TACC1: variants seen among roughly 807,000 people sequenced by gnomAD.
TACC1 encodes the protein transforming acidic coiled-coil containing protein 1, also known as transforming acidic coiled-coil-containing protein 1.
A neutral mutation model predicts 84.4 loss-of-function variants in TACC1; 48 were observed. The ratio of observed to expected loss-of-function variants is 0.57; its 90% CI spans 0.45 to 0.72. The LOEUF is 0.72. TACC1 is among the 30% of genes least tolerant of loss of function. TACC1 has a pLI of 0.00. For synonymous variants in TACC1, 372 were observed against 376.3 expected (o/e 0.99, Z 0.13); for missense variants, 920 against 973.0 (o/e 0.95, Z 0.72).
At chr8:38,743,010 C>A (rs1356650547) in intron 2 of TACC1, among the ~76,000 whole-genome samples, 1 of 152,268 alleles carries the variant, frequency 6.6e-6, no homozygotes, top group South Asian at 2.1e-4. Context: ...CCACTGCACC[C>A]AGCCAACTTA....
chr8:38,813,617 A>G (rs752202970), intron 2 of TACC1, among the ~76,000 whole-genome samples: 3 of 152,208 alleles, frequency 2.0e-5, no homozygotes, highest in Non-Finnish European at 2.9e-5. Context: ...CTCCAATCAC[A>G]TGTTAGAAAA....
intron 11 of TACC1, chr8:38,846,087 T>C (rs1832178867): frequency 6.6e-6 from 1 of 151,124 alleles, no homozygotes; most frequent in African/African-American, 2.4e-5. Context: ...GGTCAGGAGA[T>C]CGAGACCACG....
intron 3 of TACC1, among the ~76,000 whole-genome samples, chr8:38,773,986 T>C (rs1188346288): frequency 6.6e-6 from 1 of 152,222 alleles, no homozygotes. Context: ...ATGCTTAACA[T>C]GGTCTTCTAG....
At chr8:38,777,882 C>G (rs1182389806) in intron 3 of TACC1, among the ~76,000 whole-genome samples, 1 of 152,166 alleles carries the variant, frequency 6.6e-6, no homozygotes, top group African/African-American at 2.4e-5. Context: ...ACAGGCCACA[C>G]CTAGTTGTAG....
chr8:38,794,707 G>A (rs573075005), intron 2 of TACC1, among the ~76,000 whole-genome samples: 1 of 152,240 alleles, frequency 6.6e-6, no homozygotes, highest in East Asian at 1.9e-4. Flanking sequence ...ACATATTGAA[G>A]TGTTCCATTC....
chr8:38,761,080 T>C (rs1811122499), intron 3 of TACC1, among the ~76,000 whole-genome samples: 1 of 152,212 alleles, frequency 6.6e-6, no homozygotes, highest in African/African-American at 2.4e-5. Context: ...TCCTCATTTT[T>C]CACTTCCATT....
intron 3 of TACC1, among the ~76,000 whole-genome samples, chr8:38,773,175 A>C (rs1428675593): frequency 6.6e-6 from 1 of 151,880 alleles, no homozygotes; most frequent in Non-Finnish European, 1.5e-5. Context: ...ATTATACAAA[A>C]ATTAGCCTGG....
In TACC1 at chr8:38,836,107, T is replaced by G; in HGVS notation, c.1714-55T>G. ...GTAATGAGGAAGTTGTTGAAGGATG[T>G]CTGGGGTTAAGAAGCTGAAAGCTGA... On this transcript the variant is annotated intron_variant, in intron 6 of 12. Coordinates refer to ENST00000317827, the MANE Select transcript of TACC1 (RefSeq NM_006283.3). The G allele has an allele frequency of 1.9e-6, 3 of 1,601,464 alleles. No individual in the cohort carries two copies. The Admixed American group carries it at 5.0e-5, about 27-fold the overall frequency.
At chr8:38,840,153 G>A in intron 8 of TACC1, 71 bp from the exon 9 acceptor site, 3 of 1,173,732 alleles carry the variant, frequency 2.6e-6, no homozygotes, top group Admixed American at 1.9e-5. Flanking sequence ...TAATTGTTTG[G>A]GACAGCATTT....
chr8:38,792,626 C>A lies in TACC1; in HGVS notation c.277+3807C>A, dbSNP rs536887086. Among the ~76,000 whole-genome samples the A allele has an allele frequency of 7.2e-5, 11 of 152,258 alleles. No individual in the cohort carries two copies. In the South Asian group the frequency reaches 2.3e-3, roughly 32 times the overall value. On this transcript the variant is annotated intron_variant, in intron 2 of 12. Coordinates refer to ENST00000317827, the MANE Select transcript of TACC1 (RefSeq NM_006283.3). ...GACCACAGGCGCCCACCACTACGCC[C>A]AGCTAATTTTTTGTATTTTTAGTAG...
At chr8:38,766,823 G>A (rs1047511055) in intron 3 of TACC1, among the ~76,000 whole-genome samples, 1 of 152,178 alleles carries the variant, frequency 6.6e-6, no homozygotes, top group Non-Finnish European at 1.5e-5. Flanking sequence ...GATGAACCTG[G>A]CTGAAGCAGA....
In TACC1 at chr8:38,735,606, C is replaced by A. The variant is rs182349650; in HGVS notation, c.-674-6745C>A. On this transcript the variant is annotated intron_variant, in intron 1 of 14. Transcript: ENST00000518415. ...CCAGGACTCCTGTCAGCAACCACCC[C>A]CTGCACTCAGCTCTCTCCCCTGACC... 2.0e-5 allele frequency among the ~76,000 whole-genome samples: 3 copies of A among 152,278 alleles called. No individual in the cohort carries two copies. In the East Asian group the frequency reaches 5.8e-4, roughly 29 times the overall value.
At chr8:38,771,386 C>T (rs984044925) in intron 3 of TACC1, among the ~76,000 whole-genome samples, 4 of 152,042 alleles carry the variant, frequency 2.6e-5, no homozygotes, top group African/African-American at 9.7e-5. Context: ...GTTTGGCGCT[C>T]GAGACACCAT....
intron 2 of TACC1, among the ~76,000 whole-genome samples, chr8:38,794,872 C>T (rs1318373374): frequency 1.3e-5 from 2 of 152,190 alleles, no homozygotes; most frequent in Non-Finnish European, 1.5e-5. Context: ...GCTCCTTCAA[C>T]AGCATCGCAG....
intron 3 of TACC1, among the ~76,000 whole-genome samples, chr8:38,755,887 T>G (rs1482414403): frequency 2.0e-5 from 3 of 151,908 alleles, no homozygotes; most frequent in African/African-American, 7.3e-5. Flanking sequence ...CGATCTCGGC[T>G]CACTGCAACC....
At chr8:38,843,454 G>A in intron 11 of TACC1, 59 bp downstream of exon 11, 3 of 1,323,494 alleles carry the variant, frequency 2.3e-6, no homozygotes, top group Non-Finnish European at 3.1e-6. Context: ...GATTGAGAGA[G>A]GAAAACAAAA....
chr8:38,743,030 T>C (rs2151689006), intron 2 of TACC1, among the ~76,000 whole-genome samples: 1 of 152,356 alleles, frequency 6.6e-6, no homozygotes, highest in East Asian at 1.9e-4. Flanking sequence ...ACTTCTTTAC[T>C]TGTGTAAATG....
At chr8:38,764,708 T>C (rs927507517) in intron 3 of TACC1, among the ~76,000 whole-genome samples, 3 of 152,186 alleles carry the variant, frequency 2.0e-5, no homozygotes, top group Non-Finnish European at 2.9e-5. Flanking sequence ...GGCTCATGCC[T>C]GTAATCCTAG....
chr8:38,768,585 A>G (rs1252938844), intron 3 of TACC1, among the ~76,000 whole-genome samples: 1 of 152,176 alleles, frequency 6.6e-6, no homozygotes, highest in Non-Finnish European at 1.5e-5. Flanking sequence ...GTCTTGTTTG[A>G]TCGATTCCAT....
Sources: allele counts gnomAD v4.1 joint callset (sites outside exome capture counted in the v4.1 genomes callset), GRCh38; gene constraint gnomAD v4.1.1; transcripts MANE v1.5; gene names NCBI Gene and HGNC (gene_info 2026-07-23, HGNC 2026-07-21).